The following ADGRG7 variants were observed in gnomAD, a reference collection of about 807,000 sequenced individuals.
The protein encoded by ADGRG7 is adhesion G protein-coupled receptor G7.
Under a neutral mutation model 88.6 loss-of-function variants are expected in ADGRG7, and 82 were observed. The observed-to-expected ratio is 0.93, with a 90% CI of 0.77 to 1.11. ADGRG7 has a LOEUF of 1.11. Ranked by LOEUF, ADGRG7 falls within the 50% of genes most tolerant of loss-of-function variation. ADGRG7 has a pLI of 0.00. For missense variants in ADGRG7, 945 were observed against 953.4 expected (o/e 0.99, Z 0.12); for synonymous variants, 381 against 345.2 (o/e 1.10, Z -1.15).
rs139174533 is a variant in ADGRG7, at chr3:100,653,182, T to C, written c.1380-1653T>C. 3.5e-3 allele frequency among the ~76,000 whole-genome samples: 528 copies of C among 152,322 alleles called. 5 individuals are homozygous for C. Among genetic ancestry groups the C allele is most frequent in the Non-Finnish European group, 5.1e-3 (350 of 68,016 alleles). ...CATTTAAAAAAGCAGTAATCATTAGTCTACTTAAATTATAAAGAATAGCAT... is the reference window on the plus strand; with the variant it reads ...CATTTAAAAAAGCAGTAATCATTAGCCTACTTAAATTATAAAGAATAGCAT... On this transcript the variant is annotated intron_variant, in intron 11 of 15. Coordinates refer to ENST00000273352, the MANE Select transcript of ADGRG7 (RefSeq NM_032787.3).
intron 3 of ADGRG7, among the ~76,000 whole-genome samples, chr3:100,633,052 C>T (rs694612): frequency 0.28 from 42,114 of 151,838 alleles, 6,321 homozygotes; most frequent in Non-Finnish European, 0.34. Context: ...AAAGGTAAAT[C>T]TTACTTGAAG....
intron 14 of ADGRG7, among the ~76,000 whole-genome samples, chr3:100,661,209 C>T (rs1220929249): frequency 6.6e-6 from 1 of 152,176 alleles, no homozygotes. Flanking sequence ...CTGACCCCAT[C>T]TCCATAGCAT....
intron 15 of ADGRG7, among the ~76,000 whole-genome samples, chr3:100,687,172 C>T (rs561792327): frequency 1.3e-5 from 2 of 152,284 alleles, no homozygotes; most frequent in East Asian, 3.9e-4. Context: ...CATGATTTGA[C>T]TCTCTGTCTG....
chr3:100,656,728 G>A (rs619574), intron 13 of ADGRG7, among the ~76,000 whole-genome samples: 134,254 of 152,050 alleles, frequency 0.88, 61,122 homozygotes, highest in Non-Finnish European at 1. Context: ...CCAAACCAAC[G>A]CAAATGAAAG....
At chr3:100,632,227 A>G (rs1707468365) in intron 3 of ADGRG7, among the ~76,000 whole-genome samples, 1 of 152,148 alleles carries the variant, frequency 6.6e-6, no homozygotes, top group Non-Finnish European at 1.5e-5. Context: ...TCTTTGGGAC[A>G]AGAGACTCAA....
chr3:100,690,664 T>C (rs979024500), intron 15 of ADGRG7, among the ~76,000 whole-genome samples: 10 of 152,160 alleles, frequency 6.6e-5, no homozygotes, highest in African/African-American at 2.2e-4. Context: ...GTATCAGCAG[T>C]GGTGGCTGCA....
chr3:100,669,190 T>C (rs1236140770), intron 15 of ADGRG7, 85 bp downstream of exon 15: 6 of 1,190,170 alleles, frequency 5.0e-6, no homozygotes, highest in African/African-American at 1.6e-5. Flanking sequence ...TAAGAGACTA[T>C]TTTAAAAAAA....
intron 15 of ADGRG7, among the ~76,000 whole-genome samples, chr3:100,673,989 C>G (rs2094961830): frequency 6.6e-6 from 1 of 152,114 alleles, no homozygotes. Flanking sequence ...CAGTGTCAAT[C>G]TTAGATCTTT....
intron 13 of ADGRG7, among the ~76,000 whole-genome samples, chr3:100,656,757 G>T (rs1440061005): frequency 6.8e-6 from 1 of 146,210 alleles, no homozygotes. Flanking sequence ...TTGGAAATGG[G>T]CAAGTACACC....
intron 4 of ADGRG7, among the ~76,000 whole-genome samples, chr3:100,634,168 C>A (rs1220176126): frequency 6.6e-6 from 1 of 152,066 alleles, no homozygotes; most frequent in African/African-American, 2.4e-5. Flanking sequence ...CAAAGTTGTA[C>A]CCAAATGCAC....
chr3:100,618,332 G>C (rs981149675), intron 1 of ADGRG7, among the ~76,000 whole-genome samples: 2 of 152,104 alleles, frequency 1.3e-5, no homozygotes, highest in Non-Finnish European at 2.9e-5. Context: ...TTTTCTTCTA[G>C]GGTTTTTATG....
At chr3:100,631,160 G>T (rs2149017449) in intron 3 of ADGRG7, among the ~76,000 whole-genome samples, 1 of 152,132 alleles carries the variant, frequency 6.6e-6, no homozygotes, top group Non-Finnish European at 1.5e-5. Context: ...TTATGGACTT[G>T]TATCATATCT....
At chr3:100,612,566 T>A (rs1485891374) in intron 1 of ADGRG7, among the ~76,000 whole-genome samples, 1 of 152,252 alleles carries the variant, frequency 6.6e-6, no homozygotes, top group Non-Finnish European at 1.5e-5. Flanking sequence ...GTGCTAAGCC[T>A]GATATAATCA....
At chr3:100,670,594 G>A (rs988957037) in intron 15 of ADGRG7, among the ~76,000 whole-genome samples, 4 of 151,926 alleles carry the variant, frequency 2.6e-5, no homozygotes, top group African/African-American at 9.7e-5. Flanking sequence ...TAAGTTCTGG[G>A]GTACATGTGC....
chr3:100,636,574 A>G (rs1050165753), intron 5 of ADGRG7, among the ~76,000 whole-genome samples: 1 of 152,214 alleles, frequency 6.6e-6, no homozygotes, highest in African/African-American at 2.4e-5. Flanking sequence ...CACCTTGTGT[A>G]TAGGTTGAAT....
intron 1 of ADGRG7, among the ~76,000 whole-genome samples, chr3:100,617,483 C>T (rs1423781142): frequency 6.6e-6 from 1 of 151,154 alleles, no homozygotes; most frequent in Non-Finnish European, 1.5e-5. Flanking sequence ...GGTTTTTTGT[C>T]CTTGCGATAG....
At chr3:100,611,303 T>TTTCTTCCTTCCTTCTTTCCTTC (rs1559666905) in intron 1 of ADGRG7, among the ~76,000 whole-genome samples, 8 of 124,354 alleles carry the variant, frequency 6.4e-5, no homozygotes, top group Admixed American at 2.5e-4. Flanking sequence ...TTCCTTCCTT[T>TTTCTTCCTTCCTTCTTTCCTTC]CTTCTTTCCT....
intron 15 of ADGRG7, among the ~76,000 whole-genome samples, chr3:100,682,052 C>A (rs974773152): frequency 6.6e-6 from 1 of 152,194 alleles, no homozygotes; most frequent in South Asian, 2.1e-4. Context: ...TCTGAAGTGG[C>A]CGCTGCCATG....
intron 14 of ADGRG7, among the ~76,000 whole-genome samples, chr3:100,666,602 CG>C (rs1401025631): frequency 6.6e-6 from 1 of 152,074 alleles, no homozygotes; most frequent in Non-Finnish European, 1.5e-5. Context: ...TGCCCAGGGA[CG>C]GGCAGGAGAC....
Sources: allele counts gnomAD v4.1 joint callset (sites outside exome capture counted in the v4.1 genomes callset), GRCh38; gene constraint gnomAD v4.1.1; transcripts MANE v1.5; gene names NCBI Gene and HGNC (gene_info 2026-07-23, HGNC 2026-07-21).